WDR19: variants seen among roughly 807,000 people sequenced by gnomAD.
WDR19 encodes WD repeat domain 19, also known as WD repeat-containing protein 19.
WDR19 carries 121 observed loss-of-function variants against 180.0 expected under a neutral mutation model. The observed-to-expected ratio is 0.67, with a 90% CI of 0.58 to 0.78. The LOEUF (loss-of-function observed/expected upper bound fraction) is 0.78, where lower values mean the gene tolerates loss of function less well. Among genes scored for constraint, WDR19 ranks in the 30% least tolerant of loss-of-function variants. The pLI, the probability that WDR19 is intolerant of heterozygous loss-of-function variation, is 0.00. For synonymous variants in WDR19, 497 were observed against 540.7 expected, an observed-to-expected ratio of 0.92 and a Z score of 1.12; for missense variants, 1,450 against 1,640.7, an observed-to-expected ratio of 0.88 and a Z score of 2.01.
intron 9 of WDR19, chr4:39,205,962 C>T: frequency 2.3e-6 from 1 of 436,154 alleles, no homozygotes; most frequent in South Asian, 3.4e-5. Flanking sequence ...ATGGAGTAAG[C>T]ACACTCCACC....
At chr4:39,278,278 T>C (rs1211439352) in intron 35 of WDR19, 71 bp downstream of exon 35, 47 of 1,378,600 alleles carry the variant, frequency 3.4e-5, no homozygotes, top group Non-Finnish European at 4.5e-5. Flanking sequence ...ACCTCTTTTC[T>C]TCCGAAGCAT....
chr4:39,214,087 C>G (rs1316272513), intron 9 of WDR19, among the ~76,000 whole-genome samples: 1 of 152,168 alleles, frequency 6.6e-6, no homozygotes, highest in Non-Finnish European at 1.5e-5. Flanking sequence ...CTTACTACAA[C>G]CTTATGAAAT....
Position 39,278,658 on chromosome 4 carries a change from G to C in WDR19, c.*8G>C. 2 of 1,598,326 alleles carry C rather than the reference G, an allele frequency of 1.3e-6. No individual in the cohort carries two copies. The highest frequency in any genetic ancestry group is 2.2e-5 in the South Asian group (2 of 89,588). ...ACGGAGGAGGAACTGTGATTGGCAC[G>C]TGCAGGTGAGTGGCAGAGCGCCCAC... On this transcript the variant is annotated 3_prime_UTR_variant, in exon 36 of 37. Coordinates refer to ENST00000399820, the MANE Select transcript of WDR19 (RefSeq NM_025132.4).
intron 24 of WDR19, among the ~76,000 whole-genome samples, chr4:39,252,033 A>G (rs1214327862): frequency 1.3e-5 from 2 of 152,216 alleles, no homozygotes; most frequent in Non-Finnish European, 2.9e-5. Context: ...ATTATAAATC[A>G]TGCTGCTATG....
chr4:39,244,222 T>A (rs764084712), intron 21 of WDR19, 26 bp from the exon 22 acceptor site: 1 of 1,602,950 alleles, frequency 6.2e-7, no homozygotes, highest in South Asian at 1.1e-5. Context: ...GAATCTGATT[T>A]GTTAGTGTTT....
intron 33 of WDR19, among the ~76,000 whole-genome samples, chr4:39,276,618 G>C (rs1277495855): frequency 6.6e-6 from 1 of 152,136 alleles, no homozygotes; most frequent in Non-Finnish European, 1.5e-5. Context: ...CATTTCCATT[G>C]TCACAGACAG....
intron 26 of WDR19, 58 bp downstream of exon 26, chr4:39,254,088 C>G: frequency 6.5e-7 from 1 of 1,539,166 alleles, no homozygotes; most frequent in Non-Finnish European, 8.8e-7. Flanking sequence ...AACACTTTGT[C>G]TCTTATGATC....
chr4:39,244,599 G>A (rs372826785), intron 23 of WDR19, 47 bp downstream of exon 23: 30 of 1,608,972 alleles, frequency 1.9e-5, no homozygotes, highest in Non-Finnish European at 2.3e-5. Context: ...GGAAATGAAT[G>A]TGCCTCTGGG....
At chr4:39,187,319 C>G (rs1725666533) in intron 3 of WDR19, among the ~76,000 whole-genome samples, 1 of 151,028 alleles carries the variant, frequency 6.6e-6, no homozygotes, top group Non-Finnish European at 1.5e-5. Flanking sequence ...ACTTGGGAGG[C>G]TGAGGCAGGA....
intron 9 of WDR19, chr4:39,205,968 C>A (rs1727909352): frequency 2.4e-6 from 1 of 415,970 alleles, no homozygotes; most frequent in South Asian, 3.7e-5. Flanking sequence ...TAAGCACACT[C>A]CACCCCATGT....
chr4:39,206,346 G>A (rs1376025122), intron 9 of WDR19, among the ~76,000 whole-genome samples: 1 of 152,164 alleles, frequency 6.6e-6, no homozygotes, highest in Non-Finnish European at 1.5e-5. Flanking sequence ...CATGGCAGTG[G>A]CAACAAGAAC....
At chr4:39,226,348 T>G (rs1280996298) in intron 15 of WDR19, among the ~76,000 whole-genome samples, 1 of 152,250 alleles carries the variant, frequency 6.6e-6, no homozygotes, top group Non-Finnish European at 1.5e-5. Flanking sequence ...TTCCAGTTTT[T>G]CTGTCTGTCT....
intron 33 of WDR19, chr4:39,276,817 A>T (rs1190312729): frequency 7.1e-6 from 4 of 562,570 alleles, no homozygotes; most frequent in Admixed American, 3.4e-5. Context: ...AACACCCTAG[A>T]ACCTAACCAA....
chr4:39,256,358 A>C (rs1380009549), intron 27 of WDR19, among the ~76,000 whole-genome samples: 1 of 152,228 alleles, frequency 6.6e-6, no homozygotes, highest in African/African-American at 2.4e-5. Context: ...TACAGTGTCC[A>C]AAGAAGGGAC....
At chr4:39,232,435 A>C in intron 19 of WDR19, 163 bp downstream of exon 19, 2 of 524,480 alleles carry the variant, frequency 3.8e-6, no homozygotes, top group Non-Finnish European at 6.7e-6. Context: ...GACCAGCCTG[A>C]CCAATATGAT....
At chr4:39,186,773 G>C (rs77031446) in intron 3 of WDR19, among the ~76,000 whole-genome samples, 169 bp downstream of exon 3, 1 of 152,120 alleles carries the variant, frequency 6.6e-6, no homozygotes, top group African/African-American at 2.4e-5. Context: ...GATATAGCAT[G>C]AATTAGAGTT....
At chr4:39,282,357 T>A (rs558595776) in intron 36 of WDR19, among the ~76,000 whole-genome samples, 1 of 152,270 alleles carries the variant, frequency 6.6e-6, no homozygotes, top group East Asian at 1.9e-4. Flanking sequence ...ATCTCTACAT[T>A]TATTTAGATC....
At chr4:39,220,498 A>G (rs1437968982) in intron 14 of WDR19, among the ~76,000 whole-genome samples, 1 of 140,586 alleles carries the variant, frequency 7.1e-6, no homozygotes, top group Non-Finnish European at 1.6e-5. Context: ...AGTTTTTTAA[A>G]TTATTTTTCT....
In WDR19 at chr4:39,264,910, A is replaced by T. The variant is rs909834998; in HGVS notation, c.3184-1153A>T. Among the ~76,000 whole-genome samples, 6 of 126,788 alleles carry T rather than the reference A, an allele frequency of 4.7e-5. No homozygotes were observed. In the Admixed American group the frequency reaches 5.8e-4, roughly 12 times the overall value. 83.2% of individuals were successfully genotyped at this position (126,788 alleles called of 152,430 possible). Reference sequence around the variant, plus strand: ...TACTTCAGTGATTTAACTCGCCTTTATGGAGATGACGTTTTTTTTTTTTTT... The same window carrying T: ...TACTTCAGTGATTTAACTCGCCTTTTTGGAGATGACGTTTTTTTTTTTTTT... On this transcript the variant is annotated intron_variant, in intron 28 of 36. Coordinates refer to ENST00000399820, the MANE Select transcript of WDR19 (RefSeq NM_025132.4).
Sources: allele counts gnomAD v4.1 joint callset (sites outside exome capture counted in the v4.1 genomes callset), GRCh38; gene constraint gnomAD v4.1.1; transcripts MANE v1.5; gene names NCBI Gene and HGNC (gene_info 2026-07-23, HGNC 2026-07-21).